Variants in RBFOX1 observed in about 807,000 individuals in gnomAD.
RBFOX1 encodes RNA binding fox-1 homolog 1.
RBFOX1 carries 8 observed loss-of-function variants against 57.7 expected under a neutral mutation model. That is an observed-to-expected ratio of 0.14 (90% confidence interval 0.08 to 0.25). The LOEUF (loss-of-function observed/expected upper bound fraction) is 0.25. RBFOX1 is among the 10% of genes least tolerant of loss of function. RBFOX1 has a pLI of 1.00. For synonymous variants in RBFOX1, 326 were observed against 222.4 expected, an observed-to-expected ratio of 1.47 and a Z score of -4.15; for missense variants, 611 against 548.5, an observed-to-expected ratio of 1.11 and a Z score of -1.14.
chr16:6,069,124 C>T (rs534612425), intron 1 of RBFOX1, among the ~76,000 whole-genome samples: 2 of 152,048 alleles, frequency 1.3e-5, no homozygotes, highest in Non-Finnish European at 2.9e-5. Flanking sequence ...AGAGGCCGGG[C>T]ACGGCGGCTG....
intron 2 of RBFOX1, among the ~76,000 whole-genome samples, chr16:6,404,471 A>C (rs2093200550): frequency 6.6e-6 from 1 of 152,166 alleles, no homozygotes; most frequent in Non-Finnish European, 1.5e-5. Context: ...CCCTAAAGTA[A>C]CTTGGTTCCA....
chr16:7,072,944 A>C (rs1567158106), intron 4 of RBFOX1, among the ~76,000 whole-genome samples: 1 of 152,218 alleles, frequency 6.6e-6, no homozygotes, highest in Non-Finnish European at 1.5e-5. Context: ...CTGTGTGGGA[A>C]GGAGAAGTCT....
intron 1 of RBFOX1, among the ~76,000 whole-genome samples, chr16:6,210,752 G>GAA (rs1196391024): frequency 6.6e-6 from 1 of 151,886 alleles, no homozygotes; most frequent in African/African-American, 2.4e-5. Context: ...GAAAAGAAAA[G>GAA]AAAAAAATTA....
intron 1 of RBFOX1, among the ~76,000 whole-genome samples, chr16:5,409,617 A>C (rs947349736): frequency 3.9e-5 from 6 of 152,226 alleles, no homozygotes; most frequent in African/African-American, 1.2e-4. Flanking sequence ...CTGGGAATAT[A>C]GCTGTGAACC....
intron 1 of RBFOX1, among the ~76,000 whole-genome samples, chr16:5,413,818 G>A (rs2067088575): frequency 6.6e-6 from 1 of 152,170 alleles, no homozygotes; most frequent in Non-Finnish European, 1.5e-5. Flanking sequence ...GGAGGGTAAT[G>A]GTGAGTGAGG....
intron 4 of RBFOX1, among the ~76,000 whole-genome samples, chr16:7,271,042 C>T (rs2095307430): frequency 6.6e-6 from 1 of 152,050 alleles, no homozygotes; most frequent in Non-Finnish European, 1.5e-5. Flanking sequence ...TAATTTAAGC[C>T]TCTCTTATTT....
At chr16:5,423,374 T>G (rs191504927) in intron 1 of RBFOX1, among the ~76,000 whole-genome samples, 1 of 152,210 alleles carries the variant, frequency 6.6e-6, no homozygotes, top group East Asian at 1.9e-4. Context: ...CTCTGATGTA[T>G]AGATTTATGT....
At chr16:7,533,836 TTCAG>T (rs1342178911) in intron 5 of RBFOX1, among the ~76,000 whole-genome samples, 3 of 152,224 alleles carry the variant, frequency 2.0e-5, no homozygotes, top group African/African-American at 7.2e-5. Flanking sequence ...TACATTCTTC[TTCAG>T]TCAAAGAATG....
At chr16:7,652,665 C>G (rs925562051) in intron 11 of RBFOX1, among the ~76,000 whole-genome samples, 15 of 152,208 alleles carry the variant, frequency 9.9e-5, no homozygotes, top group African/African-American at 3.6e-4. Context: ...CTCAGCCTCC[C>G]AAAGTGCTGG....
intron 1 of RBFOX1, chr16:5,270,472 C>T: frequency 2.7e-6 from 2 of 746,864 alleles, no homozygotes; most frequent in Non-Finnish European, 4.9e-6. Context: ...TGACTAACTT[C>T]TATGGCATGG....
At chr16:5,798,686 T>C (rs2054961160) in intron 3 of RBFOX1, among the ~76,000 whole-genome samples, 1 of 152,228 alleles carries the variant, frequency 6.6e-6, no homozygotes, top group Non-Finnish European at 1.5e-5. Flanking sequence ...GAAGGGACCT[T>C]CTGTTTACTT....
chr16:6,641,791 T>C (rs940424569), intron 2 of RBFOX1, among the ~76,000 whole-genome samples: 1 of 143,294 alleles, frequency 7.0e-6, no homozygotes, highest in Admixed American at 7.1e-5. Flanking sequence ...GGTTCTGCCC[T>C]GAGCCTTTCA....
At chr16:5,507,226 C>G (rs1262522615) in intron 2 of RBFOX1, among the ~76,000 whole-genome samples, 1 of 152,106 alleles carries the variant, frequency 6.6e-6, no homozygotes, top group Non-Finnish European at 1.5e-5. Context: ...CCACTGCGGC[C>G]ACCATGACTG....
At chr16:5,411,429 A>G (rs1281255951) in intron 1 of RBFOX1, among the ~76,000 whole-genome samples, 2 of 152,172 alleles carry the variant, frequency 1.3e-5, no homozygotes, top group East Asian at 3.9e-4. Flanking sequence ...TAGAAGTCGG[A>G]AATGGCAAGG....
chr16:5,733,304 A>G (rs944420927), intron 3 of RBFOX1, among the ~76,000 whole-genome samples: 3 of 152,162 alleles, frequency 2.0e-5, no homozygotes, highest in African/African-American at 7.2e-5. Context: ...AGACCTCGTA[A>G]ACGCTAGGCT....
intron 1 of RBFOX1, 34 bp from the exon 2 acceptor site, chr16:6,316,961 T>C (rs1300779441): frequency 9.9e-6 from 15 of 1,520,560 alleles, no homozygotes; most frequent in Middle Eastern, 1.7e-4. Flanking sequence ...ATACATTTCT[T>C]GATACTAAAG....
Position 5,908,147 on chromosome 16 carries a change from C to CATAT in RBFOX1, c.351+40816_351+40819dup, listed in dbSNP as rs764804676. The stretch of plus-strand genomic sequence containing the variant: ...ACATATATATATACACATATATACA[C>CATAT]ATATATACACATATATATACACATA... On this transcript the variant is annotated intron_variant, in intron 4 of 19. Coordinates refer to the RBFOX1 transcript ENST00000641259. Among the ~76,000 whole-genome samples the CATAT allele has an allele frequency of 6.3e-4, 90 of 142,286 alleles. 1 individual carries two copies. The highest frequency in any genetic ancestry group is 2.0e-3 in the African/African-American group (71 of 36,170). 93.3% of individuals were successfully genotyped at this position (142,286 alleles called of 152,430 possible).
chr16:7,259,882 T>A (rs1056901143), intron 4 of RBFOX1, among the ~76,000 whole-genome samples: 2 of 152,176 alleles, frequency 1.3e-5, no homozygotes, highest in African/African-American at 4.8e-5. Flanking sequence ...CTTAATATAT[T>A]GTAGGCCCTT....
chr16:6,568,528 A>G (rs2097299395), intron 2 of RBFOX1, among the ~76,000 whole-genome samples: 1 of 152,150 alleles, frequency 6.6e-6, no homozygotes, highest in Admixed American at 6.5e-5. Context: ...CACTTCTGCC[A>G]TGTTCCATTG....
Sources: allele counts gnomAD v4.1 joint callset (sites outside exome capture counted in the v4.1 genomes callset), GRCh38; gene constraint gnomAD v4.1.1; transcripts MANE v1.5; gene names NCBI Gene and HGNC (gene_info 2026-07-23, HGNC 2026-07-21).